The following PPP2R2C variants were observed in gnomAD, a reference collection of about 807,000 sequenced individuals.
The protein encoded by PPP2R2C is protein phosphatase 2 regulatory subunit Bgamma.
PPP2R2C carries 10 observed loss-of-function variants against 45.3 expected under a neutral mutation model. That is an observed-to-expected ratio of 0.22 (90% CI 0.14 to 0.37). PPP2R2C has a LOEUF of 0.37. Among genes scored for constraint, PPP2R2C ranks in the 10% least tolerant of loss-of-function variants. The pLI is 1.00. For missense variants in PPP2R2C, 308 were observed against 619.7 expected, an observed-to-expected ratio of 0.50 and a Z score of 5.34; for synonymous variants, 257 against 245.4, an observed-to-expected ratio of 1.05 and a Z score of -0.44.
rs1480547183 is a variant in PPP2R2C, at chr4:6,472,303, C to G, written c.-74G>C. On this transcript the variant is annotated 5_prime_UTR_variant, in exon 1 of 9. Coordinates refer to ENST00000382599, the MANE Select transcript of PPP2R2C (RefSeq NM_020416.4). The stretch of plus-strand genomic sequence containing the variant: ...TGCAATCCGCAGAGGTCGCGCCGGG[C>G]GCGCGGGCCATGCCGCCGCAGCCTA... The G allele has an allele frequency of 1.3e-6, 2 of 1,586,794 alleles. No homozygotes were observed. Among genetic ancestry groups the G allele is most frequent in the East Asian group, 4.6e-5 (2 of 43,474 alleles).
At chr4:6,539,714 G>C (rs1402486133) in intron 1 of PPP2R2C, among the ~76,000 whole-genome samples, 1 of 152,208 alleles carries the variant, frequency 6.6e-6, no homozygotes, top group Non-Finnish European at 1.5e-5. Flanking sequence ...ATCAGATCTG[G>C]GGTTTGCTGA....
At chr4:6,400,293 A>G (rs1398029626) in intron 1 of PPP2R2C, among the ~76,000 whole-genome samples, 1 of 152,216 alleles carries the variant, frequency 6.6e-6, no homozygotes, top group African/African-American at 2.4e-5. Context: ...TAGAGATTAA[A>G]GAGATTGATA....
At chr4:6,388,166 G>A (rs1373293470) in intron 1 of PPP2R2C, among the ~76,000 whole-genome samples, 6 of 152,122 alleles carry the variant, frequency 3.9e-5, no homozygotes, top group Admixed American at 3.9e-4. Context: ...CTCCCTTCCT[G>A]GGCAGCTCTA....
At chr4:6,340,860 C>T (rs1218830544) in intron 6 of PPP2R2C, among the ~76,000 whole-genome samples, 4 of 152,262 alleles carry the variant, frequency 2.6e-5, no homozygotes, top group Non-Finnish European at 5.9e-5. Flanking sequence ...ACCTCTCTGA[C>T]CTCACCTCCT....
chr4:6,519,786 C>T (rs1182329092), intron 2 of PPP2R2C, among the ~76,000 whole-genome samples: 6 of 152,128 alleles, frequency 3.9e-5, no homozygotes, highest in Non-Finnish European at 8.8e-5. Flanking sequence ...GCAACCAAGC[C>T]CCTCAAACAC....
At position 6,352,095 on chromosome 4, in the gene PPP2R2C, C is replaced by T. The variant is rs183926596; in HGVS notation, c.626-4085G>A. ...CTACCGTGAACACAGCTTTCTGCCC[C>T]ACACCATGCCCTCCCCCGTGTGTAG... On this transcript the variant is annotated intron_variant, in intron 5 of 8. Coordinates refer to ENST00000382599, the MANE Select transcript of PPP2R2C (RefSeq NM_020416.4). Among the ~76,000 whole-genome samples, 21 of 152,312 alleles carry T rather than the reference C, an allele frequency of 1.4e-4. No homozygotes were observed. The East Asian group carries it at 3.9e-3, about 28-fold the overall frequency.
intron 6 of PPP2R2C, among the ~76,000 whole-genome samples, chr4:6,339,630 A>G (rs1733289513): frequency 2.0e-5 from 3 of 152,172 alleles, no homozygotes; most frequent in Admixed American, 2.0e-4. Flanking sequence ...CATGGGCTTG[A>G]GCCATGCATT....
Position 6,365,914 on chromosome 4 carries a change from G to C in PPP2R2C, c.625+6609C>G, listed in dbSNP as rs59463857. Among the ~76,000 whole-genome samples the C allele has an allele frequency of 5.8e-3, 877 of 152,314 alleles. 10 individuals carry two copies. The highest frequency in any genetic ancestry group is 0.02 in the African/African-American group (851 of 41,560). On this transcript the variant is annotated intron_variant, in intron 5 of 8. Transcript: ENST00000382599. ...AGAGGTCCATCCGCTGAGACCTCCT[G>C]TGCAATTTGTTACCTTTAAGATGCA...
intron 6 of PPP2R2C, 57 bp downstream of exon 6, chr4:6,347,789 T>TACC: frequency 9.7e-6 from 10 of 1,033,614 alleles, no homozygotes; most frequent in South Asian, 1.4e-5. Context: ...GGACAGGACA[T>TACC]CCCACCCGCC....
At chr4:6,424,490 T>C (rs1204031970) in intron 1 of PPP2R2C, among the ~76,000 whole-genome samples, 2 of 152,080 alleles carry the variant, frequency 1.3e-5, no homozygotes, top group Admixed American at 1.3e-4. Flanking sequence ...GGGGTGACCA[T>C]AGCATGACTG....
intron 1 of PPP2R2C, among the ~76,000 whole-genome samples, chr4:6,433,491 C>T (rs957092790): frequency 6.6e-6 from 1 of 152,096 alleles, no homozygotes; most frequent in African/African-American, 2.4e-5. Context: ...TCTGTAAGAC[C>T]CAGCAGCATC....
At chr4:6,450,259 T>C (rs995593276) in intron 1 of PPP2R2C, among the ~76,000 whole-genome samples, 2 of 152,016 alleles carry the variant, frequency 1.3e-5, no homozygotes, top group African/African-American at 4.8e-5. Context: ...CAGGTGGTGG[T>C]CGAGATACAG....
At chr4:6,432,178 C>T (rs11724762) in intron 1 of PPP2R2C, among the ~76,000 whole-genome samples, 38,402 of 152,090 alleles carry the variant, frequency 0.25, 5,355 homozygotes, top group Admixed American at 0.38. Flanking sequence ...TCCCCATCCT[C>T]ATGGCTATGG....
chr4:6,378,570 A>C lies in PPP2R2C; in HGVS notation c.171T>G (p.Ser57Arg), dbSNP rs201343301. The part of the protein sequence containing the change: ...RVVIFQREPE[S>R]KNAPHSQGEY... ...CGCCCTGGCTGTGGGGCGCATTTTT[A>C]CTCTGCAGGGAAACCCGGAGAAGGG... The change falls in exon 3 of 9, where the codon AGT becomes AGG. Residue 57 changes from serine to arginine, a missense_variant and splice_region_variant. Transcript: ENST00000382599. This position sits in a 1 kb window ranked among gnomAD's most constrained non-coding sequence, Gnocchi z 5.2. 6.2e-7 allele frequency: 1 copy of C among 1,612,438 alleles called. No homozygotes were observed. Among genetic ancestry groups the C allele is most frequent in the Non-Finnish European group, 8.5e-7 (1 of 1,179,182 alleles).
At chr4:6,340,014 C>T (rs566307558) in intron 6 of PPP2R2C, among the ~76,000 whole-genome samples, 5 of 152,196 alleles carry the variant, frequency 3.3e-5, no homozygotes, top group African/African-American at 7.2e-5. Context: ...GCCTCCTGTT[C>T]GGCCTCTTTC....
In PPP2R2C at chr4:6,511,778, TAA is replaced by T. The variant is rs1560594338; in HGVS notation, c.49+23491_49+23492del. ...ATGGTGGTGGTGATGGTGATGGTGG[TAA>T]TGGTGGTGGTGATGGTGATGGTGGT... On this transcript the variant is annotated intron_variant, in intron 2 of 9. Transcript: ENST00000506140. Among the ~76,000 whole-genome samples the T allele has an allele frequency of 1.4e-4, 7 of 51,274 alleles. 1 individual carries two copies. The highest frequency in any genetic ancestry group is 2.3e-4 in the Non-Finnish European group (5 of 21,514). The allele number at this position is 51,274 out of a possible 152,430, so 33.6% of individuals were successfully genotyped here.
intron 5 of PPP2R2C, chr4:6,351,450 C>T: frequency 1.4e-6 from 1 of 716,622 alleles, no homozygotes; most frequent in Non-Finnish European, 1.7e-6. Context: ...ATCGAGCACC[C>T]CATGTATAGG....
chr4:6,550,582 C>T lies in PPP2R2C; in HGVS notation c.-59+12978G>A, dbSNP rs181575107. Among the ~76,000 whole-genome samples the T allele has an allele frequency of 5.3e-5, 8 of 152,350 alleles. No individual in the cohort carries two copies. The East Asian group carries it at 1.2e-3, about 22-fold the overall frequency. On this transcript the variant is annotated intron_variant, in intron 1 of 9. Coordinates refer to the PPP2R2C transcript ENST00000506140. ...AGACCTGGCCCCTCCTCACTCCCTG[C>T]ATGAGGCTCCAGGGCAACCAGTCTA... is the stretch of plus-strand genomic sequence containing the variant.
intron 1 of PPP2R2C, among the ~76,000 whole-genome samples, chr4:6,550,431 T>A (rs1725145624): frequency 6.6e-6 from 1 of 152,168 alleles, no homozygotes; most frequent in Non-Finnish European, 1.5e-5. Flanking sequence ...TGCACAGAAC[T>A]TCACCCTTCA....
Sources: allele counts gnomAD v4.1 joint callset (sites outside exome capture counted in the v4.1 genomes callset), GRCh38; gene constraint gnomAD v4.1.1; non-coding constraint Gnocchi (gnomAD v3.1); transcripts MANE v1.5; gene names NCBI Gene and HGNC (gene_info 2026-07-23, HGNC 2026-07-21).